The following RBCK1 variants were observed in gnomAD, a reference collection of about 807,000 sequenced individuals.
The protein encoded by RBCK1 is ranBP-type and C3HC4-type zinc finger-containing protein 1.
RBCK1 carries 44 observed loss-of-function variants against 71.1 expected under a neutral mutation model. The ratio of observed to expected loss-of-function variants is 0.62; its 90% CI spans 0.49 to 0.80. The LOEUF is 0.80. Among genes scored for constraint, RBCK1 ranks in the 30% least tolerant of loss-of-function variants. The pLI is 0.00. For synonymous variants in RBCK1, 306 were observed against 279.7 expected, an observed-to-expected ratio of 1.09 and a Z score of -0.94; for missense variants, 569 against 685.0, an observed-to-expected ratio of 0.83 and a Z score of 1.89.
intron 6 of RBCK1, chr20:420,410 A>C (rs1600295291): frequency 2.1e-6 from 2 of 973,770 alleles, no homozygotes; most frequent in Non-Finnish European, 1.2e-6. Context: ...TGGCCACCCC[A>C]CTCCTGTTCC....
At chr20:418,420 G>A (rs954096572) in intron 4 of RBCK1, among the ~76,000 whole-genome samples, 4 of 152,036 alleles carry the variant, frequency 2.6e-5, no homozygotes, top group Admixed American at 6.6e-5. Context: ...CCAGGCTGGA[G>A]TGCAGTGGCA....
Position 422,288 on chromosome 20 carries a change from C to T in RBCK1, c.1029+50C>T. The T allele has an allele frequency of 1.4e-6, 2 of 1,461,086 alleles. No homozygotes were observed. The highest frequency in any genetic ancestry group is 1.9e-6 in the Non-Finnish European group (2 of 1,045,198). The allele number at this position is 1,461,086 out of a possible 1,614,324, so 90.5% of individuals were successfully genotyped here. On this transcript the variant is annotated intron_variant, in intron 8 of 11. Coordinates refer to ENST00000356286, the MANE Select transcript of RBCK1 (RefSeq NM_031229.4). This position sits in a 1 kb window ranked among gnomAD's most constrained non-coding sequence, Gnocchi z 5.0. ...ACCCCAAGTCCCAACTCCTAAGGAA[C>T]TGGGCCCTGAGCAGGCAGCAGACAT...
chr20:409,442 C>A (rs1371943682), intron 1 of RBCK1, among the ~76,000 whole-genome samples: 1 of 152,066 alleles, frequency 6.6e-6, no homozygotes, highest in Admixed American at 6.6e-5. Context: ...GTTTATTTCC[C>A]TGCCAGCAAG....
At position 417,911 on chromosome 20, in the gene RBCK1, G is replaced by A. The variant is rs749518835; in HGVS notation, c.441G>A (p.Arg147=). The A allele has an allele frequency of 7.5e-6, 12 of 1,608,880 alleles. No individual in the cohort carries two copies. In the African/African-American group the frequency reaches 9.3e-5, roughly 13 times the overall value. The change falls in exon 4 of 12, where the codon CGG becomes CGA. Residue 147 remains arginine, a synonymous_variant. Transcript: ENST00000356286. The surrounding 1 kb of genome is among the most constrained non-coding windows in gnomAD (Gnocchi z 4.7). ...ACCCTCAGGAGCTGCAGCGGGAGCG[G>A]CAGCTGCGGATGCTGGAAGGTGAGG... ...SLNPQELQRE[R]QLRMLEDLGF... is the part of the protein sequence containing the mutation.
At chr20:416,314 C>G (rs1336150172) in intron 2 of RBCK1, among the ~76,000 whole-genome samples, 1 of 151,942 alleles carries the variant, frequency 6.6e-6, no homozygotes, top group Non-Finnish European at 1.5e-5. Flanking sequence ...CGCCACCGTG[C>G]CTGGCTAATT....
At chr20:427,582 C>A in intron 9 of RBCK1, 90 bp downstream of exon 9, 1 of 1,390,694 alleles carries the variant, frequency 7.2e-7, no homozygotes, top group South Asian at 1.3e-5. Context: ...GGGAAGGGAG[C>A]TGTGACACTG....
intron 11 of RBCK1, among the ~76,000 whole-genome samples, chr20:429,469 A>G (rs1259906780): frequency 4.6e-5 from 7 of 151,994 alleles, no homozygotes; most frequent in Admixed American, 4.6e-4. Flanking sequence ...CAGGTGATCC[A>G]CCTGCCTCGG....
Position 418,421 on chromosome 20 carries a change from T to G in RBCK1, c.460+491T>G, listed in dbSNP as rs527633925. ...TCTCGCTCTGTCGCCCAGGCTGGAG[T>G]GCAGTGGCACAATCTCGGCTCACTG... On this transcript the variant is annotated intron_variant, in intron 4 of 11. Transcript: ENST00000356286. Among the ~76,000 whole-genome samples, 169 of 152,128 alleles carry G rather than the reference T, an allele frequency of 1.1e-3. 3 individuals are homozygous for G. In the East Asian group the frequency reaches 0.027, roughly 24 times the overall value.
At position 412,295 on chromosome 20, in the gene RBCK1, G is replaced by C. The variant is rs112173604; in HGVS notation, c.167+2270G>C. Reference sequence around the variant, plus strand: ...TTTCTTTGGAGGTTTGCCTATTCAGGTCTTTTGCCCATTTTAAAATTGGGT... The same window carrying C: ...TTTCTTTGGAGGTTTGCCTATTCAGCTCTTTTGCCCATTTTAAAATTGGGT... On this transcript the variant is annotated intron_variant, in intron 2 of 11. Coordinates refer to ENST00000356286, the MANE Select transcript of RBCK1 (RefSeq NM_031229.4). 4.4e-3 allele frequency among the ~76,000 whole-genome samples: 671 copies of C among 151,820 alleles called. 8 individuals carry two copies. The highest frequency in any genetic ancestry group is 0.015 in the African/African-American group (617 of 41,396).
chr20:418,475 T>C (rs999477107), intron 4 of RBCK1, among the ~76,000 whole-genome samples: 1 of 152,146 alleles, frequency 6.6e-6, no homozygotes. Flanking sequence ...TTCACGCCAT[T>C]CTCCTGCCTC....
At chr20:423,189 C>T (rs1444984093) in intron 8 of RBCK1, among the ~76,000 whole-genome samples, 1 of 152,096 alleles carries the variant, frequency 6.6e-6, no homozygotes, top group Non-Finnish European at 1.5e-5. Flanking sequence ...ATCCCAGCTA[C>T]TCAGGAGGCT....
In RBCK1 at chr20:419,749, T is replaced by C. The variant is rs2122247747; in HGVS notation, c.756+18T>C. ...ACCAGCAGGTGGGCGGGAAAGTCCC[T>C]GGACAGACACCTGCAGACCGCACGG... On this transcript the variant is annotated intron_variant, in intron 6 of 11. Transcript: ENST00000356286. The C allele has an allele frequency of 6.5e-7, 1 of 1,543,700 alleles. No individual in the cohort carries two copies.
In RBCK1 at chr20:422,806, T is replaced by C. The variant is rs532915796; in HGVS notation, c.1029+568T>C. On this transcript the variant is annotated intron_variant, in intron 8 of 11. Transcript: ENST00000356286. The surrounding 1 kb of genome is among the most constrained non-coding windows in gnomAD (Gnocchi z 5.0). Reference sequence around the variant, plus strand: ...GTGATTGTGCCACTGCACTCCAGCCTGGGCAACAGAGTGAGACCTTGCCTC... The same window carrying C: ...GTGATTGTGCCACTGCACTCCAGCCCGGGCAACAGAGTGAGACCTTGCCTC... 2.0e-5 allele frequency among the ~76,000 whole-genome samples: 3 copies of C among 151,898 alleles called. No individual in the cohort carries two copies. Among genetic ancestry groups the C allele is most frequent in the Admixed American group, 6.6e-5 (1 of 15,236 alleles).
chr20:428,552 A>C lies in RBCK1; in HGVS notation c.1271A>C (p.Asn424Thr), dbSNP rs759942496. 6.2e-7 allele frequency: 1 copy of C among 1,612,774 alleles called. No individual in the cohort carries two copies. The highest frequency in any genetic ancestry group is 8.5e-7 in the Non-Finnish European group (1 of 1,179,544). Residue 424 changes from asparagine (N) to threonine (T), a missense_variant, in exon 10 of 12, where the codon AAC becomes ACC. Physicochemically the swap from Asn to Thr is moderately conservative, Grantham distance 65 (BLOSUM62 0). Transcript: ENST00000356286. The surrounding 1 kb of genome is among the most constrained non-coding windows in gnomAD (Gnocchi z 5.7). ...GAGGACCTGGCCCTGCGGGCTCAGA[A>C]CGATGTGGCTGCCCGGCAGACGACA... Reference protein sequence around the residue: ...YQEDLALRAQNDVAARQTTEM... With the variant: ...YQEDLALRAQTDVAARQTTEM...
At position 417,705 on chromosome 20, in the gene RBCK1, C is replaced by T. The variant is rs770095642; in HGVS notation, c.262-27C>T. ...TCTCTCTCCTCTGGCCCTCCCTTCCCACTCTCCCTCTCTTTGCCCCCACCA... is the reference window on the plus strand; with the variant it reads ...TCTCTCTCCTCTGGCCCTCCCTTCCTACTCTCCCTCTCTTTGCCCCCACCA... On this transcript the variant is annotated intron_variant, in intron 3 of 11. Transcript: ENST00000356286. This position sits in a 1 kb window ranked among gnomAD's most constrained non-coding sequence, Gnocchi z 4.7. 5.6e-6 allele frequency: 9 copies of T among 1,605,744 alleles called. No individual in the cohort carries two copies. In the South Asian group the frequency reaches 9.9e-5, roughly 18 times the overall value.
intron 8 of RBCK1, among the ~76,000 whole-genome samples, chr20:426,208 GT>G (rs1322377025): frequency 6.6e-6 from 1 of 152,132 alleles, no homozygotes; most frequent in African/African-American, 2.4e-5. Context: ...TATCCTTTGT[GT>G]TACAGACAAT....
At chr20:423,109 G>A (rs2016532103) in intron 8 of RBCK1, among the ~76,000 whole-genome samples, 1 of 152,180 alleles carries the variant, frequency 6.6e-6, no homozygotes, top group South Asian at 2.1e-4. Flanking sequence ...AGATCAGCCT[G>A]ACTAACATGG....
intron 2 of RBCK1, among the ~76,000 whole-genome samples, chr20:413,070 T>G (rs544567357): frequency 8.9e-4 from 135 of 152,322 alleles, no homozygotes; most frequent in Non-Finnish European, 1.7e-3. Flanking sequence ...ATCTTAACCC[T>G]TTTTGGAAAT....
chr20:420,460 C>T, intron 6 of RBCK1: 1 of 947,598 alleles, frequency 1.1e-6, no homozygotes, highest in Non-Finnish European at 1.2e-6. Context: ...CCACCCCTGA[C>T]GTTGAGTGGC....
Sources: gnomAD v4.1 joint callset for allele counts (sites outside exome capture counted in the v4.1 genomes callset) on GRCh38, gnomAD v4.1.1 for gene constraint, Gnocchi (gnomAD v3.1) non-coding constraint, MANE v1.5 for transcripts, NCBI Gene and HGNC (gene_info 2026-07-23, HGNC 2026-07-21) for gene names.